Variants in MAT1A observed in about 807,000 individuals in gnomAD.
The protein encoded by MAT1A is methionine adenosyltransferase 1A, also known as S-adenosylmethionine synthase isoform type-1.
A neutral mutation model predicts 44.0 loss-of-function variants in MAT1A; 19 were observed. That is an observed-to-expected ratio of 0.43 (90% CI 0.30 to 0.63). The LOEUF (loss-of-function observed/expected upper bound fraction) is 0.63. Ranked by LOEUF, MAT1A falls within the 30% of genes least tolerant of loss-of-function variation. The pLI is 0.12. For synonymous variants in MAT1A, 205 were observed against 205.6 expected (o/e 1.00, Z 0.03); for missense variants, 397 against 531.0 (o/e 0.75, Z 2.48).
At chr10:80,274,297 G>A (rs1841450176) in intron 8 of MAT1A, among the ~76,000 whole-genome samples, 1 of 152,194 alleles carries the variant, frequency 6.6e-6, no homozygotes, top group Non-Finnish European at 1.5e-5. Flanking sequence ...TGGCCCCACT[G>A]GAGTTGGTGT....
rs7087728 is a variant in MAT1A at position 80,273,714 on chromosome 10, G to C, written c.*67C>G. On this transcript the variant is annotated 3_prime_UTR_variant, in exon 9 of 9. Coordinates refer to ENST00000372213, the MANE Select transcript of MAT1A (RefSeq NM_000429.3). ...TGGGGAAGGCGATCAGCAGCCAGGC[G>C]TCTGGGGAAGAGGAGCATGGCCACC... 1.8e-6 allele frequency: 2 copies of C among 1,142,786 alleles called. No homozygotes were observed. The highest frequency in any genetic ancestry group is 2.3e-5 in the East Asian group (1 of 42,676). The allele number at this position is 1,142,786 out of a possible 1,614,324, so 70.8% of individuals were successfully genotyped here.
Position 80,275,024 on chromosome 10 carries a change from A to G in MAT1A, c.944T>C (p.Leu315Pro). Residue 315 changes from leucine to proline, a missense_variant, in exon 7 of 9, where the codon CTT becomes CCT. Leu to Pro is a moderately conservative substitution (Grantham distance 98). Transcript: ENST00000372213. Reference sequence around the variant, plus strand: ...TGGGTGGAGGGGGCTTACCTGGACAAGCACTCTCCGGCAGAGCCCTGCTTT... The same window carrying G: ...TGGGTGGAGGGGGCTTACCTGGACAGGCACTCTCCGGCAGAGCCCTGCTTT... ...LVKAGLCRRV[L>P]VQVSYAIGVA... 4.5e-6 allele frequency: 7 copies of G among 1,552,720 alleles called. No individual in the cohort carries two copies. The highest frequency in any genetic ancestry group is 6.1e-6 in the Non-Finnish European group (7 of 1,148,612).
rs374316399 is a variant in MAT1A at position 80,280,319 on chromosome 10, G to A, written c.406-3C>T. The stretch of plus-strand genomic sequence containing the variant: ...GTAGCATAGCCGAACATCAAACCCT[G>A]TGGCGAGAGAGCAGGCTGAGCGGCG... On this transcript the variant is annotated splice_polypyrimidine_tract_variant and splice_region_variant and intron_variant, in intron 4 of 8. Transcript: ENST00000372213. The A allele has an allele frequency of 5.0e-6, 8 of 1,613,894 alleles. No homozygotes were observed. Among genetic ancestry groups the A allele is most frequent in the African/African-American group, 1.3e-5 (1 of 74,922 alleles).
intron 1 of MAT1A, among the ~76,000 whole-genome samples, chr10:80,288,255 C>T (rs1009642585): frequency 6.6e-6 from 1 of 152,210 alleles, no homozygotes; most frequent in Non-Finnish European, 1.5e-5. Context: ...GTACATCTAT[C>T]CCCCAGGGGT....
At position 80,272,188 on chromosome 10, in the gene MAT1A, C is replaced by CCAGCAT. The variant is rs1841419184; in HGVS notation, c.*1592_*1593insATGCTG. The stretch of plus-strand genomic sequence containing the variant: ...ACTTCCTGGGCTGCCTCTCCCAGCA[C>CCAGCAT]CATGTACCCTAGAGAGAGGCCAAGT... On this transcript the variant is annotated 3_prime_UTR_variant, in exon 9 of 9. Transcript: ENST00000372213. The CCAGCAT allele has an allele frequency of 9.7e-6, 1 of 102,774 alleles. No individual in the cohort carries two copies. The highest frequency in any genetic ancestry group is 3.7e-4 in the South Asian group (1 of 2,712). 6.4% of individuals were successfully genotyped at this position (102,774 alleles called of 1,614,324 possible).
intron 5 of MAT1A, 30 bp from the exon 6 acceptor site, chr10:80,276,624 G>C: frequency 6.2e-7 from 1 of 1,600,086 alleles, no homozygotes; most frequent in South Asian, 1.1e-5. Context: ...GGGAGATACT[G>C]TGAGGCTGAG....
intron 6 of MAT1A, 42 bp from the exon 7 acceptor site, chr10:80,275,241 C>A: frequency 6.4e-7 from 1 of 1,562,762 alleles, no homozygotes. Context: ...AGAGCCAGCC[C>A]CTAGATGCTG....
chr10:80,276,732 G>C, intron 5 of MAT1A, 138 bp from the exon 6 acceptor site: 1 of 825,316 alleles, frequency 1.2e-6, no homozygotes, highest in African/African-American at 1.7e-5. Context: ...AAGGGTGTTG[G>C]GGGAGTTAAT....
intron 2 of MAT1A, 69 bp from the exon 3 acceptor site, chr10:80,284,107 A>G (rs1841609600): frequency 1.6e-5 from 26 of 1,584,604 alleles, no homozygotes; most frequent in Non-Finnish European, 2.1e-5. Context: ...ACATTCCCAG[A>G]CCTCTCACAG....
At chr10:80,282,861 T>A (rs1315239638) in intron 3 of MAT1A, among the ~76,000 whole-genome samples, 1 of 152,148 alleles carries the variant, frequency 6.6e-6, no homozygotes, top group Non-Finnish European at 1.5e-5. Context: ...CACATCACCC[T>A]AGACAACGAT....
At chr10:80,279,224 C>T (rs1841528204) in intron 5 of MAT1A, among the ~76,000 whole-genome samples, 1 of 152,120 alleles carries the variant, frequency 6.6e-6, no homozygotes, top group African/African-American at 2.4e-5. Context: ...CCTGGCCTGG[C>T]TGGGATGATG....
At chr10:80,289,262 A>G in intron 1 of MAT1A, 71 bp downstream of exon 1, 2 of 1,247,636 alleles carry the variant, frequency 1.6e-6, no homozygotes, top group Non-Finnish European at 2.4e-6. Flanking sequence ...AATTAAAACC[A>G]TTTGTAAGTG....
chr10:80,280,069 G>A, intron 5 of MAT1A, 104 bp downstream of exon 5: 2 of 1,378,964 alleles, frequency 1.5e-6, no homozygotes, highest in Middle Eastern at 1.9e-4. Context: ...TGAATGCCCA[G>A]ATTGAATATT....
intron 2 of MAT1A, 54 bp downstream of exon 2, chr10:80,285,458 T>C: frequency 6.9e-7 from 1 of 1,450,708 alleles, no homozygotes; most frequent in Non-Finnish European, 9.7e-7. Context: ...CATGATTAAT[T>C]TCTCAGTCTA....
At position 80,273,095 on chromosome 10, in the gene MAT1A, T is replaced by C. The variant is rs1352233927; in HGVS notation, c.*686A>G. 1 of 152,544 alleles carries C rather than the reference T, an allele frequency of 6.6e-6. No homozygotes were observed. The highest frequency in any genetic ancestry group is 1.5e-5 in the Non-Finnish European group (1 of 68,348). 9.4% of individuals were successfully genotyped at this position (152,544 alleles called of 1,614,324 possible). A position where few individuals can be genotyped will look rare whatever the true frequency, so the allele number is the denominator to read the frequency against. On this transcript the variant is annotated 3_prime_UTR_variant, in exon 9 of 9. Coordinates refer to ENST00000372213, the MANE Select transcript of MAT1A (RefSeq NM_000429.3). Reference sequence around the variant, plus strand: ...GCTCCTGAGTCAAAGCTCCTAGTTATACATCTAGGTCTAAACACGTGGCTG... The same window carrying C: ...GCTCCTGAGTCAAAGCTCCTAGTTACACATCTAGGTCTAAACACGTGGCTG...
At position 80,275,155 on chromosome 10, in the gene MAT1A, A is replaced by G. The variant is rs1159339836; in HGVS notation, c.813T>C (p.Tyr271=). The change falls in exon 7 of 9, where the codon TAT becomes TAC. Residue 271 remains tyrosine, a synonymous_variant. Coordinates refer to ENST00000372213, the MANE Select transcript of MAT1A (RefSeq NM_000429.3). The part of the protein sequence containing the change: ...VTGRKIIVDT[Y]GGWGAHGGGA... ...CACCACCATGAGCCCCCCAGCCGCC[A>G]TAGGTGTCCACAATAATCTTACGGC... The G allele has an allele frequency of 1.2e-6, 2 of 1,613,454 alleles. No individual in the cohort carries two copies. Among genetic ancestry groups the G allele is most frequent in the South Asian group, 2.2e-5 (2 of 90,942 alleles).
chr10:80,283,198 G>A (rs1841592212), intron 3 of MAT1A, among the ~76,000 whole-genome samples: 1 of 152,226 alleles, frequency 6.6e-6, no homozygotes, highest in African/African-American at 2.4e-5. Context: ...ATCGCATACA[G>A]GCCCTCCGCA....
At chr10:80,274,730 TGAAGGGACCAGC>T in intron 7 of MAT1A, 77 bp from the exon 8 acceptor site, 3 of 1,590,920 alleles carry the variant, frequency 1.9e-6, no homozygotes, top group Non-Finnish European at 2.6e-6. Context: ...GCCCTTCTTC[TGAAGGGACCAGC>T]GGGGACCACA....
At position 80,273,188 on chromosome 10, in the gene MAT1A, A is replaced by G. The variant is rs1841432528; in HGVS notation, c.*593T>C. 6.4e-6 allele frequency: 1 copy of G among 156,842 alleles called. No individual in the cohort carries two copies. Among genetic ancestry groups the G allele is most frequent in the African/African-American group, 2.4e-5 (1 of 41,460 alleles). 9.7% of individuals were successfully genotyped at this position (156,842 alleles called of 1,614,324 possible). On this transcript the variant is annotated 3_prime_UTR_variant, in exon 9 of 9. Transcript: ENST00000372213. ...TCCCCCATCTATAAATGGGATATAA[A>G]AGGTACTACCTCATCATGTTGCAGT...
Sources: allele counts gnomAD v4.1 joint callset (sites outside exome capture counted in the v4.1 genomes callset), GRCh38; gene constraint gnomAD v4.1.1; transcripts MANE v1.5; gene names NCBI Gene and HGNC (gene_info 2026-07-23, HGNC 2026-07-21).